Variants in KMO observed in about 807,000 individuals in gnomAD.
KMO encodes the protein kynurenine 3-monooxygenase, also known as kynurenine 3-hydroxylase.
A neutral mutation model predicts 57.8 loss-of-function variants in KMO; 24 were observed. The ratio of observed to expected loss-of-function variants is 0.42; its 90% CI spans 0.30 to 0.58. The LOEUF is 0.58. KMO is among the 20% of genes least tolerant of loss of function. KMO has a pLI of 0.22. For missense variants in KMO, 483 were observed against 588.2 expected (o/e 0.82, Z 1.85); for synonymous variants, 210 against 193.6 (o/e 1.08, Z -0.70).
chr1:241,540,648 G>C (rs1660925924), intron 1 of KMO, among the ~76,000 whole-genome samples: 1 of 152,156 alleles, frequency 6.6e-6, no homozygotes, highest in African/African-American at 2.4e-5. Context: ...ACTGGAGAAA[G>C]AGGTTGGGAT....
chr1:241,591,030 CCCAGGGAGG>C (rs1663277779), intron 14 of KMO, among the ~76,000 whole-genome samples: 1 of 151,978 alleles, frequency 6.6e-6, no homozygotes. Flanking sequence ...AAACAGGGAG[CCCAGGGAGG>C]CCAGCAGACT....
At chr1:241,533,283 A>G (rs1177741982) in intron 1 of KMO, among the ~76,000 whole-genome samples, 3 of 152,238 alleles carry the variant, frequency 2.0e-5, no homozygotes, top group South Asian at 2.1e-4. Flanking sequence ...TCATTTCCCT[A>G]TCACCTTTGG....
intron 8 of KMO, among the ~76,000 whole-genome samples, chr1:241,565,517 T>C (rs1442732667): frequency 1.4e-5 from 2 of 146,978 alleles, no homozygotes; most frequent in African/African-American, 2.5e-5. Flanking sequence ...GCTCAGGAGT[T>C]CAAGACTGAT....
intron 1 of KMO, among the ~76,000 whole-genome samples, chr1:241,539,210 C>T (rs1289162958): frequency 6.6e-6 from 1 of 152,016 alleles, no homozygotes; most frequent in East Asian, 1.9e-4. Flanking sequence ...CAGTGAAACC[C>T]CATCTCTACT....
At chr1:241,551,184 A>G in intron 4 of KMO, 140 bp downstream of exon 4, 1 of 575,968 alleles carries the variant, frequency 1.7e-6, no homozygotes. Context: ...GAATACAGAT[A>G]CTAGTTGGCA....
chr1:241,594,653 C>CG lies in KMO; in HGVS notation c.*2500_*2501insG. On this transcript the variant is annotated 3_prime_UTR_variant, in exon 15 of 15. Coordinates refer to ENST00000366559, the MANE Select transcript of KMO (RefSeq NM_003679.5). ...CTTTAGCAGGCCTCTGGCACCTCAG[C>CG]AGTCGGAGGCACAGAAGCTGCAAAA... 6.2e-7 allele frequency: 1 copy of CG among 1,614,040 alleles called. No homozygotes were observed.
intron 7 of KMO, 98 bp from the exon 8 acceptor site, chr1:241,564,889 C>G: frequency 1.4e-6 from 1 of 717,862 alleles, no homozygotes; most frequent in South Asian, 1.7e-5. Flanking sequence ...GTAGATGCTA[C>G]TGGTTTTAAT....
At chr1:241,539,465 T>C (rs1660876313) in intron 1 of KMO, among the ~76,000 whole-genome samples, 1 of 152,128 alleles carries the variant, frequency 6.6e-6, no homozygotes, top group Non-Finnish European at 1.5e-5. Context: ...GTAACAACTG[T>C]CCTTCAGCCA....
chr1:241,534,909 C>T (rs1049654644), intron 1 of KMO, among the ~76,000 whole-genome samples: 1 of 152,150 alleles, frequency 6.6e-6, no homozygotes, highest in East Asian at 1.9e-4. Context: ...TGGCTTCACC[C>T]CTTTCCCTTT....
chr1:241,572,845 G>A (rs1662354847), intron 10 of KMO, among the ~76,000 whole-genome samples: 1 of 152,000 alleles, frequency 6.6e-6, no homozygotes, highest in Non-Finnish European at 1.5e-5. Context: ...CTGCGTTTCT[G>A]TACTCATAAT....
intron 1 of KMO, among the ~76,000 whole-genome samples, chr1:241,541,850 C>G (rs1348625710): frequency 6.6e-6 from 1 of 152,006 alleles, no homozygotes; most frequent in African/African-American, 2.4e-5. Flanking sequence ...GTTTCATGAC[C>G]AAATATGGAT....
chr1:241,583,972 CTTAT>C (rs1389752020), intron 10 of KMO, among the ~76,000 whole-genome samples: 5 of 152,028 alleles, frequency 3.3e-5, no homozygotes, highest in East Asian at 1.9e-4. Flanking sequence ...ATCTCATTTA[CTTAT>C]TTATTTTTCT....
chr1:241,578,994 A>G (rs1408506229), intron 10 of KMO, among the ~76,000 whole-genome samples: 1 of 152,114 alleles, frequency 6.6e-6, no homozygotes, highest in Admixed American at 6.5e-5. Flanking sequence ...TGTATGAGGG[A>G]AATTGCCCCC....
chr1:241,539,933 T>C (rs990084397), intron 1 of KMO, among the ~76,000 whole-genome samples: 1 of 152,196 alleles, frequency 6.6e-6, no homozygotes, highest in African/African-American at 2.4e-5. Flanking sequence ...GCTAAAGAAT[T>C]AAAATAACTT....
intron 1 of KMO, among the ~76,000 whole-genome samples, chr1:241,532,974 A>T (rs1660628833): frequency 6.6e-6 from 1 of 152,228 alleles, no homozygotes; most frequent in South Asian, 2.1e-4. Context: ...AATGTTCACT[A>T]GTTATATGAG....
intron 7 of KMO, among the ~76,000 whole-genome samples, chr1:241,562,904 AAGGAAGGAAGGAAAGAAG>A (rs1661919460): frequency 3.0e-4 from 11 of 37,116 alleles, no homozygotes; most frequent in African/African-American, 1.2e-3. Flanking sequence ...GGAAGGAAGG[AAGGAAGGAAGGAAAGAAG>A]GAAGGAAGGA....
chr1:241,562,347 T>C lies in KMO; in HGVS notation c.615+15T>C. 1 of 1,609,102 alleles carries C rather than the reference T, an allele frequency of 6.2e-7. No homozygotes were observed. The highest frequency in any genetic ancestry group is 1.1e-5 in the South Asian group (1 of 90,606). ...AGAACGGAGATGTAAGTCCTTGCCC[T>C]TTTTCAACCCCTTCCCACAACCCTT... is the stretch of plus-strand genomic sequence containing the variant. On this transcript the variant is annotated intron_variant, in intron 7 of 14. Transcript: ENST00000366559.
intron 7 of KMO, among the ~76,000 whole-genome samples, chr1:241,563,780 G>C (rs908996443): frequency 7.2e-5 from 11 of 152,182 alleles, no homozygotes; most frequent in African/African-American, 2.7e-4. Flanking sequence ...ATGTGACTCA[G>C]ACATGGGAGC....
chr1:241,536,417 C>A, intron 1 of KMO: 2 of 640,912 alleles, frequency 3.1e-6, no homozygotes, highest in Non-Finnish European at 3.9e-6. Context: ...CATCTGAATT[C>A]AGTCCTTAAG....
Sources: gnomAD v4.1 joint callset for allele counts (sites outside exome capture counted in the v4.1 genomes callset) on GRCh38, gnomAD v4.1.1 for gene constraint, MANE v1.5 for transcripts, NCBI Gene and HGNC (gene_info 2026-07-23, HGNC 2026-07-21) for gene names.